OPA3: variants seen among roughly 807,000 people sequenced by gnomAD.
The protein encoded by OPA3 is outer mitochondrial membrane lipid metabolism regulator OPA3, also known as optic atrophy 3 protein.
Under a neutral mutation model 4.0 loss-of-function variants are expected in OPA3, and 6 were observed. The ratio of observed to expected loss-of-function variants is 1.51; its 90% CI spans 0.83 to 2.99. OPA3 has a LOEUF of 2.99. Among genes scored for constraint, OPA3 ranks in the 30% most tolerant of loss-of-function variants. The pLI, the probability that OPA3 is intolerant of heterozygous loss-of-function variation, is 0.00. For synonymous variants in OPA3, 105 were observed against 117.1 expected (o/e 0.90, Z 0.67); for missense variants, 235 against 256.2 (o/e 0.92, Z 0.56).
rs143437835 is a variant in OPA3, at chr19:45,582,249, C to T, written c.142+2374G>A. 6.2e-3 allele frequency among the ~76,000 whole-genome samples: 944 copies of T among 151,758 alleles called. 7 individuals are homozygous for T. Among genetic ancestry groups the T allele is most frequent in the African/African-American group, 0.022 (901 of 41,384 alleles). On this transcript the variant is annotated intron_variant, in intron 1 of 1. Coordinates refer to ENST00000263275, the MANE Select transcript of OPA3 (RefSeq NM_025136.4). ...GATCTTGGCTCACTGCAACCTCCAT[C>T]CCCGGGTTCAAGCGATTCTCATGCT...
intron 1 of OPA3, among the ~76,000 whole-genome samples, chr19:45,573,663 A>G (rs1169851816): frequency 6.6e-6 from 1 of 152,122 alleles, no homozygotes; most frequent in East Asian, 1.9e-4. Context: ...GCCTGGTTCG[A>G]GGCCGCGCTG....
chr19:45,576,545 CCCA>C (rs1163503909), intron 1 of OPA3, among the ~76,000 whole-genome samples: 7 of 145,514 alleles, frequency 4.8e-5, no homozygotes, highest in Non-Finnish European at 7.5e-5. Context: ...TCCCCCCCCC[CCCA>C]AAAAAAAAAG....
At chr19:45,561,469 C>T (rs985447688) in intron 1 of OPA3, among the ~76,000 whole-genome samples, 3 of 152,102 alleles carry the variant, frequency 2.0e-5, no homozygotes, top group African/African-American at 7.2e-5. Flanking sequence ...GGTGAAGGGT[C>T]GTCATAAGGA....
At chr19:45,574,244 T>C (rs1468880019) in intron 1 of OPA3, among the ~76,000 whole-genome samples, 1 of 141,028 alleles carries the variant, frequency 7.1e-6, no homozygotes, top group Non-Finnish European at 1.6e-5. Flanking sequence ...ATACAAAAAA[T>C]ATTAGCTGGG....
Position 45,530,594 on chromosome 19 carries a change from C to T in OPA3, c.143-1138G>A, listed in dbSNP as rs183157917. Among the ~76,000 whole-genome samples the T allele has an allele frequency of 2.7e-3, 409 of 152,064 alleles. 2 individuals carry two copies. The highest frequency in any genetic ancestry group is 9.6e-3 in the African/African-American group (399 of 41,498). Reference sequence around the variant, plus strand: ...ACACTATCTCAGCTCACTGCAACCTCCACCTCCCAGGTTCAAGTGATTTCC... The same window carrying T: ...ACACTATCTCAGCTCACTGCAACCTTCACCTCCCAGGTTCAAGTGATTTCC... On this transcript the variant is annotated intron_variant, in intron 1 of 1. Coordinates refer to the OPA3 transcript ENST00000323060.
chr19:45,555,380 G>A (rs1969405637), intron 1 of OPA3, among the ~76,000 whole-genome samples: 1 of 152,144 alleles, frequency 6.6e-6, no homozygotes, highest in Non-Finnish European at 1.5e-5. Context: ...TTGTCGCCCC[G>A]GCTGGAGTGT....
chr19:45,550,716 A>G lies in OPA3; in HGVS notation c.*2798T>C. ...CCCAGTTTCCCTCCTGATTTTAATA[A>G]GCTCTGTACCCATTGTGGAGATCCA... On this transcript the variant is annotated 3_prime_UTR_variant, in exon 2 of 2. Coordinates refer to ENST00000263275, the MANE Select transcript of OPA3 (RefSeq NM_025136.4). 1 of 985,810 alleles carries G rather than the reference A, an allele frequency of 1.0e-6. No individual in the cohort carries two copies. The highest frequency in any genetic ancestry group is 1.7e-5 in the African/African-American group (1 of 57,330). The allele number at this position is 985,810 out of a possible 1,614,324, so 61.1% of individuals were successfully genotyped here.
chr19:45,574,288 G>A (rs1296148427), intron 1 of OPA3, among the ~76,000 whole-genome samples: 2 of 151,670 alleles, frequency 1.3e-5, no homozygotes, highest in Non-Finnish European at 2.9e-5. Context: ...CCAGCTACTC[G>A]GGAGGCTGAG....
At chr19:45,528,976 G>C in exon 2 of OPA3, 1 of 1,493,328 alleles carries the variant, frequency 6.7e-7, no homozygotes. Context: ...TCCAGGATGG[G>C]ACAGTGCGGA....
At chr19:45,555,321 A>G (rs1037145372) in intron 1 of OPA3, among the ~76,000 whole-genome samples, 7 of 152,072 alleles carry the variant, frequency 4.6e-5, no homozygotes, top group Non-Finnish European at 8.8e-5. Context: ...TCTGACTGAA[A>G]AAGAAGAGCT....
At chr19:45,582,861 C>G (rs774103107) in intron 1 of OPA3, among the ~76,000 whole-genome samples, 3 of 152,126 alleles carry the variant, frequency 2.0e-5, no homozygotes, top group Non-Finnish European at 4.4e-5. Context: ...AATGTTAGTC[C>G]TACAAAGGCA....
chr19:45,568,051 T>C lies in OPA3; in HGVS notation c.143-14140A>G, dbSNP rs901269203. On this transcript the variant is annotated intron_variant, in intron 1 of 1. Transcript: ENST00000263275. ...TCTCACTCTATCACACAAGCTGGAG[T>C]GCACTGGTACGATCTCAGCTCACTA... Among the ~76,000 whole-genome samples the C allele has an allele frequency of 4.6e-5, 7 of 152,186 alleles. No homozygotes were observed. In the South Asian group the frequency reaches 1.2e-3, roughly 27 times the overall value.
chr19:45,548,423 G>A lies in OPA3; in HGVS notation c.*5091C>T. 1.0e-6 allele frequency: 1 copy of A among 985,516 alleles called. No homozygotes were observed. Among genetic ancestry groups the A allele is most frequent in the Non-Finnish European group, 1.2e-6 (1 of 829,992 alleles). 61.0% of individuals were successfully genotyped at this position (985,516 alleles called of 1,614,324 possible). On this transcript the variant is annotated 3_prime_UTR_variant, in exon 2 of 2. Coordinates refer to ENST00000263275, the MANE Select transcript of OPA3 (RefSeq NM_025136.4). ...GCACCTCCCAGGGTTTTGTGAGCTG[G>A]GATGAATGGGTTTATAGTCCTGAGT...
chr19:45,537,625 T>C (rs1015635163), intron 1 of OPA3, among the ~76,000 whole-genome samples: 1 of 151,756 alleles, frequency 6.6e-6, no homozygotes, highest in Non-Finnish European at 1.5e-5. Context: ...TGGTATCTTT[T>C]TCTTTTCTTT....
At chr19:45,580,338 G>A (rs1183012031) in intron 1 of OPA3, among the ~76,000 whole-genome samples, 3 of 143,948 alleles carry the variant, frequency 2.1e-5, no homozygotes, top group Admixed American at 1.4e-4. Context: ...TTGTTGCCCA[G>A]GCTGGAGTGC....
At chr19:45,537,322 G>A (rs1196262619) in intron 1 of OPA3, among the ~76,000 whole-genome samples, 3 of 132,992 alleles carry the variant, frequency 2.3e-5, no homozygotes, top group Middle Eastern at 4.4e-3. Context: ...ACTTAAGCCC[G>A]AGAGTTGAAG....
chr19:45,529,158 G>A (rs771526677), exon 2 of OPA3: 2 of 1,609,620 alleles, frequency 1.2e-6, no homozygotes, highest in Admixed American at 1.7e-5. Context: ...CCTCCAGGGC[G>A]AGCTGCGTCG....
chr19:45,548,709 T>G lies in OPA3; in HGVS notation c.*4805A>C. ...CGCCCTACCAAGGACACTGGGTCCATGTCCCGGTGCGGGACCACCTCAGTG... is the reference window on the plus strand; with the variant it reads ...CGCCCTACCAAGGACACTGGGTCCAGGTCCCGGTGCGGGACCACCTCAGTG... On this transcript the variant is annotated 3_prime_UTR_variant, in exon 2 of 2. Coordinates refer to ENST00000263275, the MANE Select transcript of OPA3 (RefSeq NM_025136.4). The G allele has an allele frequency of 1.0e-6, 1 of 982,374 alleles. No homozygotes were observed. Among genetic ancestry groups the G allele is most frequent in the Non-Finnish European group, 1.2e-6 (1 of 827,448 alleles). The allele number at this position is 982,374 out of a possible 1,614,324, so 60.9% of individuals were successfully genotyped here.
At position 45,553,670 on chromosome 19, in the gene OPA3, G is replaced by A; in HGVS notation, c.384C>T (p.His128=). 1 of 1,605,238 alleles carries A rather than the reference G, an allele frequency of 6.2e-7. No individual in the cohort carries two copies. Among genetic ancestry groups the A allele is most frequent in the East Asian group, 2.2e-5 (1 of 44,816 alleles). The part of the protein sequence containing the change: ...AWNALRDEVG[H]LALALEALQA... ...GCAGCGCTTCCAGCGCCAGCGCCAG[G>A]TGGCCCACCTCGTCCCGCAGCGCGT... The change falls in exon 2 of 2, where the codon CAC becomes CAT. Residue 128 remains histidine (H), a synonymous_variant. Coordinates refer to ENST00000263275, the MANE Select transcript of OPA3 (RefSeq NM_025136.4).
Sources: gnomAD v4.1 joint callset for allele counts (sites outside exome capture counted in the v4.1 genomes callset) on GRCh38, gnomAD v4.1.1 for gene constraint, MANE v1.5 for transcripts, NCBI Gene and HGNC (gene_info 2026-07-23, HGNC 2026-07-21) for gene names.